Variants in FAM47E observed in about 807,000 individuals in gnomAD.
FAM47E encodes family with sequence similarity 47 member E, also known as protein FAM47E.
A neutral mutation model predicts 41.6 loss-of-function variants in FAM47E; 32 were observed. The ratio of observed to expected loss-of-function variants is 0.77; its 90% CI spans 0.58 to 1.03. The LOEUF (loss-of-function observed/expected upper bound fraction) is 1.03, where lower values mean the gene tolerates loss of function less well. Ranked by LOEUF, FAM47E falls within the 50% of genes least tolerant of loss-of-function variation. The pLI, the probability that FAM47E is intolerant of heterozygous loss-of-function variation, is 0.00. For missense variants in FAM47E, 424 were observed against 485.4 expected (o/e 0.87, Z 1.19); for synonymous variants, 184 against 188.7 (o/e 0.98, Z 0.20).
In FAM47E at chr4:76,251,939, A is replaced by G. The variant is rs1333408544; in HGVS notation, c.74+119A>G. The G allele has an allele frequency of 1.4e-5, 17 of 1,255,280 alleles. No homozygotes were observed. The South Asian group carries it at 3.0e-4, about 22-fold the overall frequency. The allele number at this position is 1,255,280 out of a possible 1,614,324, so 77.8% of individuals were successfully genotyped here. On this transcript the variant is annotated intron_variant, in intron 1 of 7. Transcript: ENST00000424749. ...GAGGTCCAGCCTGCCTTCCCTCCTC[A>G]ATGCTTCCTGTACGTACAACATAAT... is the stretch of plus-strand genomic sequence containing the variant.
intron 7 of FAM47E, 74 bp downstream of exon 7, chr4:76,280,415 T>G: frequency 2.3e-6 from 2 of 865,316 alleles, no homozygotes; most frequent in Non-Finnish European, 1.8e-6. Context: ...GAAGAGGTTA[T>G]GACCCTGACA....
At chr4:76,251,436 G>GT (rs566816194), upstream of FAM47E, among the ~76,000 whole-genome samples, 470 of 151,954 alleles carry the variant, frequency 3.1e-3, 2 homozygotes, top group Non-Finnish European at 5.5e-3. Flanking sequence ...TTCAGTAAAC[G>GT]TTTTTTGAAA....
At chr4:76,281,149 G>T (rs1237489843) in intron 7 of FAM47E, 1 of 152,228 alleles carries the variant, frequency 6.6e-6, no homozygotes, top group Non-Finnish European at 1.5e-5. Context: ...CGTACCTTGG[G>T]GTCTTTAGGG....
chr4:76,219,076 C>G (rs761049786), intron 2 of FAM47E, among the ~76,000 whole-genome samples: 2 of 152,206 alleles, frequency 1.3e-5, no homozygotes, highest in Non-Finnish European at 2.9e-5. Flanking sequence ...TAGCCAGGCT[C>G]TTAACCCCTT....
chr4:76,218,216 G>A (rs1733247894), intron 2 of FAM47E, among the ~76,000 whole-genome samples: 1 of 152,136 alleles, frequency 6.6e-6, no homozygotes, highest in Non-Finnish European at 1.5e-5. Context: ...TATTGAAGGT[G>A]ATCTATAAAA....
intron 2 of FAM47E, among the ~76,000 whole-genome samples, chr4:76,263,409 A>AT (rs547763667): frequency 4.6e-5 from 7 of 151,736 alleles, no homozygotes; most frequent in South Asian, 2.1e-4. Flanking sequence ...TTTTTTTGCA[A>AT]TTTTTTTTCA....
At chr4:76,249,052 C>T (rs1733893776), upstream of FAM47E, among the ~76,000 whole-genome samples, 1 of 151,942 alleles carries the variant, frequency 6.6e-6, no homozygotes, top group African/African-American at 2.4e-5. Context: ...CATGGTGAAA[C>T]TCCCATCTCT....
At chr4:76,244,098 T>G (rs1733768568) in intron 2 of FAM47E, among the ~76,000 whole-genome samples, 1 of 152,226 alleles carries the variant, frequency 6.6e-6, no homozygotes, top group African/African-American at 2.4e-5. Context: ...CTGCATAGTA[T>G]TCCATGGTGT....
intron 2 of FAM47E, chr4:76,234,354 T>C (rs6837231): frequency 0.71 from 109,000 of 152,638 alleles, 40,326 homozygotes; most frequent in East Asian, 0.81. Context: ...ACTTTTCCTT[T>C]GTGAAGCTAA....
chr4:76,235,434 G>A (rs1475921266), intron 2 of FAM47E, among the ~76,000 whole-genome samples: 1 of 152,164 alleles, frequency 6.6e-6, no homozygotes, highest in Non-Finnish European at 1.5e-5. Context: ...GAAGGAGTTA[G>A]GAAGAGAAGC....
At chr4:76,255,547 A>G (rs551610694) in intron 1 of FAM47E, among the ~76,000 whole-genome samples, 1 of 152,300 alleles carries the variant, frequency 6.6e-6, no homozygotes, top group East Asian at 1.9e-4. Context: ...CACAGAGGTT[A>G]CATGAAGAGC....
At chr4:76,244,508 C>A (rs1339416361) in intron 2 of FAM47E, among the ~76,000 whole-genome samples, 1 of 137,912 alleles carries the variant, frequency 7.3e-6, no homozygotes, top group African/African-American at 2.7e-5. Flanking sequence ...AGCATTTTTT[C>A]ATATGTTTGT....
chr4:76,251,873 G>C, intron 1 of FAM47E, 53 bp downstream of exon 1: 2 of 1,363,202 alleles, frequency 1.5e-6, no homozygotes, highest in Non-Finnish European at 1.9e-6. Context: ...CCGCGCGGGG[G>C]CGCCTGGAGA....
intron 1 of FAM47E, chr4:76,217,486 T>C: frequency 7.3e-6 from 3 of 408,196 alleles, no homozygotes; most frequent in Admixed American, 8.5e-5. Context: ...AGAGAGCGGG[T>C]TGTTGAAAAG....
rs140570496 is a variant in FAM47E, at chr4:76,217,824, T to C, written c.81+136T>C. 24 of 402,566 alleles carry C rather than the reference T, an allele frequency of 6.0e-5. No individual in the cohort carries two copies. The East Asian group carries it at 8.5e-4, about 14-fold the overall frequency. 24.9% of individuals were successfully genotyped at this position (402,566 alleles called of 1,614,324 possible). A position where few individuals can be genotyped will look rare whatever the true frequency, so the allele number is the denominator to read the frequency against. On this transcript the variant is annotated intron_variant, in intron 2 of 7. Coordinates refer to the FAM47E transcript ENST00000510197. Reference sequence around the variant, plus strand: ...AAGAACAAGTACACTTAATGAATGATTGCTGGTGCCTGTTGAAATTATGCA... The same window carrying C: ...AAGAACAAGTACACTTAATGAATGACTGCTGGTGCCTGTTGAAATTATGCA...
At chr4:76,251,382 T>C (rs895936099), upstream of FAM47E, among the ~76,000 whole-genome samples, 5 of 152,210 alleles carry the variant, frequency 3.3e-5, 1 homozygote, top group African/African-American at 1.2e-4. Flanking sequence ...CCTCTTTCTC[T>C]TGCTATCTCT....
intron 2 of FAM47E, among the ~76,000 whole-genome samples, chr4:76,219,830 C>CA (rs1733278290): frequency 6.6e-6 from 1 of 152,144 alleles, no homozygotes; most frequent in Admixed American, 6.5e-5. Context: ...CTAACCACTG[C>CA]ACTCACCACA....
chr4:76,250,590 T>A (rs1235580548), upstream of FAM47E, among the ~76,000 whole-genome samples: 3 of 152,204 alleles, frequency 2.0e-5, no homozygotes, highest in Non-Finnish European at 1.5e-5. Context: ...TTGTTACAAA[T>A]CATTCCTGCA....
intron 2 of FAM47E, among the ~76,000 whole-genome samples, chr4:76,228,422 C>T (rs557132274): frequency 5.3e-5 from 8 of 150,908 alleles, no homozygotes; most frequent in Non-Finnish European, 1.2e-4. Context: ...AAGGTTACAG[C>T]AAGCTGAGAT....
Sources: gnomAD v4.1 joint callset for allele counts (sites outside exome capture counted in the v4.1 genomes callset) on GRCh38, gnomAD v4.1.1 for gene constraint, MANE v1.5 for transcripts, NCBI Gene and HGNC (gene_info 2026-07-23, HGNC 2026-07-21) for gene names.